The following NCOA3 variants were observed in gnomAD, a reference collection of about 807,000 sequenced individuals.
The protein encoded by NCOA3 is CBP-interacting protein.
NCOA3 carries 51 observed loss-of-function variants against 158.8 expected under a neutral mutation model. The ratio of observed to expected loss-of-function variants is 0.32; its 90% CI spans 0.26 to 0.41. The LOEUF is 0.41. Ranked by LOEUF, NCOA3 falls within the 10% of genes least tolerant of loss-of-function variation. The probability of loss-of-function intolerance (pLI) is 1.00; values close to 1 mark genes in which losing one functional copy is unlikely to be tolerated. For missense variants in NCOA3, 1,510 were observed against 1,746.6 expected (o/e 0.86, Z 2.41); for synonymous variants, 537 against 592.4 (o/e 0.91, Z 1.36).
intron 1 of NCOA3, among the ~76,000 whole-genome samples, chr20:47,545,896 A>G (rs547248036): frequency 2.6e-5 from 4 of 151,348 alleles, no homozygotes; most frequent in South Asian, 2.1e-4. Context: ...TGTATTTTTT[A>G]TAGTGATGGG....
At chr20:47,522,621 TCAA>T (rs999667088) in intron 1 of NCOA3, among the ~76,000 whole-genome samples, 67 of 152,040 alleles carry the variant, frequency 4.4e-4, no homozygotes, top group African/African-American at 1.6e-3. Flanking sequence ...TTGGTTTGAC[TCAA>T]CAAATCATTC....
At chr20:47,633,995 T>A (rs983558556) in intron 9 of NCOA3, 53 bp from the exon 10 acceptor site, 4 of 1,600,924 alleles carry the variant, frequency 2.5e-6, no homozygotes, top group Non-Finnish European at 3.4e-6. Flanking sequence ...CCCTCCTATA[T>A]ATATTTGTTT....
chr20:47,584,757 G>A (rs139726014), intron 2 of NCOA3, among the ~76,000 whole-genome samples: 68 of 152,270 alleles, frequency 4.5e-4, no homozygotes, highest in African/African-American at 1.5e-3. Context: ...TGGTCCTACT[G>A]TCTTAGGCAT....
chr20:47,571,677 A>G lies in NCOA3; in HGVS notation c.-98-11506A>G, dbSNP rs145171586. On this transcript the variant is annotated intron_variant, in intron 1 of 22. Transcript: ENST00000371998. ...GATGTCATTCAGGCTTTATTGTTCC[A>G]TTTATAATGCACAGGCAGAATAGAT... Among the ~76,000 whole-genome samples, 1,264 of 152,166 alleles carry G rather than the reference A, an allele frequency of 8.3e-3. 17 individuals are homozygous for G. The highest frequency in any genetic ancestry group is 0.027 in the African/African-American group (1,137 of 41,530).
intron 1 of NCOA3, among the ~76,000 whole-genome samples, chr20:47,535,033 C>G (rs1013456334): frequency 1.8e-5 from 2 of 111,104 alleles, no homozygotes; most frequent in Non-Finnish European, 4.0e-5. Flanking sequence ...TTTTTTTTTT[C>G]TTTTTAAATA....
At chr20:47,626,632 G>A (rs1235807495) in intron 5 of NCOA3, among the ~76,000 whole-genome samples, 1 of 152,170 alleles carries the variant, frequency 6.6e-6, no homozygotes, top group East Asian at 1.9e-4. Context: ...GCTGTTTGCT[G>A]ATACTACCAT....
chr20:47,604,893 G>A (rs564235636), intron 2 of NCOA3, among the ~76,000 whole-genome samples: 1 of 151,972 alleles, frequency 6.6e-6, no homozygotes, highest in African/African-American at 2.4e-5. Flanking sequence ...TTGAGGTGGG[G>A]TCTTGCTCTG....
At chr20:47,609,277 T>C (rs564958028) in intron 2 of NCOA3, among the ~76,000 whole-genome samples, 1 of 152,284 alleles carries the variant, frequency 6.6e-6, no homozygotes, top group African/African-American at 2.4e-5. Context: ...TTTTTCTATG[T>C]GGATGACACC....
At chr20:47,562,753 GTAC>G (rs942485194) in intron 1 of NCOA3, among the ~76,000 whole-genome samples, 1 of 152,098 alleles carries the variant, frequency 6.6e-6, no homozygotes, top group Admixed American at 6.6e-5. Context: ...GCAGGAAAAA[GTAC>G]TACTAGTAAT....
At chr20:47,616,328 G>A (rs2086137472) in intron 2 of NCOA3, among the ~76,000 whole-genome samples, 1 of 151,334 alleles carries the variant, frequency 6.6e-6, no homozygotes, top group Admixed American at 6.6e-5. Context: ...CAAGTAGCTG[G>A]GATTACAGGC....
At chr20:47,633,940 C>G (rs1361211376) in intron 9 of NCOA3, 108 bp from the exon 10 acceptor site, 8 of 1,379,922 alleles carry the variant, frequency 5.8e-6, no homozygotes, top group Non-Finnish European at 6.9e-6. Flanking sequence ...TCCAGTCTTT[C>G]CTTGGATTTT....
At chr20:47,563,739 A>G (rs1397795651) in intron 1 of NCOA3, among the ~76,000 whole-genome samples, 1 of 151,930 alleles carries the variant, frequency 6.6e-6, no homozygotes, top group East Asian at 1.9e-4. Context: ...ATATAAAAAA[A>G]TTAGCTGGGC....
intron 2 of NCOA3, among the ~76,000 whole-genome samples, chr20:47,605,025 C>G (rs1008312607): frequency 6.6e-6 from 1 of 152,056 alleles, no homozygotes; most frequent in Non-Finnish European, 1.5e-5. Context: ...ATGCCACTAC[C>G]CCCGGCCAAT....
chr20:47,543,890 C>T (rs2084784277), intron 1 of NCOA3, among the ~76,000 whole-genome samples: 1 of 152,130 alleles, frequency 6.6e-6, no homozygotes, highest in African/African-American at 2.4e-5. Flanking sequence ...ATATGTTAGA[C>T]TCTATTTACT....
intron 8 of NCOA3, among the ~76,000 whole-genome samples, chr20:47,629,664 A>G (rs191718711): frequency 6.6e-6 from 1 of 152,234 alleles, no homozygotes; most frequent in East Asian, 1.9e-4. Flanking sequence ...TTTTCTCTGT[A>G]TTAACTCCCC....
intron 2 of NCOA3, among the ~76,000 whole-genome samples, chr20:47,621,801 C>G (rs2086245736): frequency 6.6e-6 from 1 of 151,872 alleles, no homozygotes; most frequent in African/African-American, 2.4e-5. Context: ...TTACAGGCAC[C>G]TGCCACCATG....
At chr20:47,638,162 A>G (rs902353649) in intron 13 of NCOA3, among the ~76,000 whole-genome samples, 2 of 152,194 alleles carry the variant, frequency 1.3e-5, no homozygotes, top group African/African-American at 4.8e-5. Context: ...TTTTAACAGA[A>G]TCTTGTCATT....
chr20:47,580,415 G>A (rs1472065832), intron 1 of NCOA3, among the ~76,000 whole-genome samples: 1 of 151,708 alleles, frequency 6.6e-6, no homozygotes, highest in Non-Finnish European at 1.5e-5. Flanking sequence ...AATTAGCTGG[G>A]CATGGTGGCA....
At chr20:47,526,186 C>T (rs2084444191) in intron 1 of NCOA3, among the ~76,000 whole-genome samples, 1 of 151,698 alleles carries the variant, frequency 6.6e-6, no homozygotes, top group Non-Finnish European at 1.5e-5. Flanking sequence ...AGACGCTCCT[C>T]ACTTCCCAGA....
Sources: gnomAD v4.1 joint callset for allele counts (sites outside exome capture counted in the v4.1 genomes callset) on GRCh38, gnomAD v4.1.1 for gene constraint, MANE v1.5 for transcripts, NCBI Gene and HGNC (gene_info 2026-07-23, HGNC 2026-07-21) for gene names.